KLHL26: variants seen among roughly 807,000 people sequenced by gnomAD.
KLHL26 encodes the protein kelch like family member 26.
KLHL26 carries 4 observed loss-of-function variants against 7.1 expected under a neutral mutation model. The observed-to-expected ratio is 0.56, with a 90% CI of 0.28 to 1.28. KLHL26 has a LOEUF of 1.28. Among genes scored for constraint, KLHL26 ranks in the 50% most tolerant of loss-of-function variants. The pLI is 0.11. For missense variants in KLHL26, 896 were observed against 924.6 expected (o/e 0.97, Z 0.40); for synonymous variants, 465 against 414.1 (o/e 1.12, Z -1.49).
rs1387615314 is a variant in KLHL26 at position 18,650,100 on chromosome 19, C to T, written c.83+12963C>T. Among the ~76,000 whole-genome samples the T allele has an allele frequency of 6.6e-6, 1 of 152,192 alleles. No individual in the cohort carries two copies. Among genetic ancestry groups the T allele is most frequent in the Admixed American group, 6.5e-5 (1 of 15,288 alleles). On this transcript the variant is annotated intron_variant, in intron 1 of 2. Coordinates refer to ENST00000300976, the MANE Select transcript of KLHL26 (RefSeq NM_018316.3). The surrounding 1 kb of genome is among the most constrained non-coding windows in gnomAD (Gnocchi z 4.2). ...GGTGGACCTTCAGGCTTGTAAAGGC[C>T]TGGAGGGGGGTCACCCGAGGATCGA...
At chr19:18,638,757 G>T (rs1345907187) in intron 1 of KLHL26, among the ~76,000 whole-genome samples, 1 of 152,100 alleles carries the variant, frequency 6.6e-6, no homozygotes, top group African/African-American at 2.4e-5. Flanking sequence ...CTGGAGTGCA[G>T]TGACGCCACC....
In KLHL26 at chr19:18,668,647, C is replaced by A. The variant is rs1399659989; in HGVS notation, c.1250C>A (p.Ala417Asp). 6.4e-6 allele frequency: 10 copies of A among 1,568,174 alleles called. 1 individual carries two copies. In the South Asian group the frequency reaches 1.1e-4, roughly 18 times the overall value. ...AACGTGCTGTGCGGCATGGTGTACGCCACGGGCGGCCGCAACCGAGCCGGC... is the reference window on the plus strand; with the variant it reads ...AACGTGCTGTGCGGCATGGTGTACGACACGGGCGGCCGCAACCGAGCCGGC... ...QLNVLCGMVY[A>D]TGGRNRAGSL... is the part of the protein sequence containing the mutation. The change falls in exon 3 of 3, where the codon GCC becomes GAC. Residue 417 changes from alanine (A) to aspartate (D), a missense_variant. Coordinates refer to ENST00000300976, the MANE Select transcript of KLHL26 (RefSeq NM_018316.3).
chr19:18,664,988 GC>G, intron 2 of KLHL26, among the ~76,000 whole-genome samples: 1 of 151,782 alleles, frequency 6.6e-6, no homozygotes, highest in South Asian at 2.1e-4. Flanking sequence ...GACAGAGATG[GC>G]CTGTGGGCAC....
At position 18,668,097 on chromosome 19, in the gene KLHL26, C is replaced by G. The variant is rs778523691; in HGVS notation, c.700C>G (p.Leu234Val). Residue 234 changes from leucine to valine, a missense_variant, in exon 3 of 3, where the codon CTG (leucine) becomes GTG (valine). Leu to Val is a conservative substitution (Grantham distance 32). Coordinates refer to ENST00000300976, the MANE Select transcript of KLHL26 (RefSeq NM_018316.3). The part of the protein sequence containing the change: ...IDLFRAAVRW[L>V]QHDPARRPRA... ...CCTGTTCCGCGCGGCCGTCCGCTGG[C>G]TGCAGCATGACCCGGCCCGGCGGCC... 1 of 1,604,622 alleles carries G rather than the reference C, an allele frequency of 6.2e-7. No homozygotes were observed.
Position 18,668,152 on chromosome 19 carries a change from G to A in KLHL26, c.755G>A (p.Arg252His), listed in dbSNP as rs757967212. Residue 252 changes from arginine to histidine, a missense_variant, in exon 3 of 3, where the codon CGC becomes CAC. Coordinates refer to ENST00000300976, the MANE Select transcript of KLHL26 (RefSeq NM_018316.3). ...GCCAGCCACGTGCTCTGCCACATTCGCTTCCCGCTCATGCAGTCGTCCGAG... is the reference window on the plus strand; with the variant it reads ...GCCAGCCACGTGCTCTGCCACATTCACTTCCCGCTCATGCAGTCGTCCGAG... ...PRASHVLCHI[R>H]FPLMQSSELV... The A allele has an allele frequency of 6.2e-7, 1 of 1,607,366 alleles. No homozygotes were observed. The highest frequency in any genetic ancestry group is 1.1e-5 in the South Asian group (1 of 91,046).
Position 18,668,684 on chromosome 19 carries a change from C to T in KLHL26, c.1287C>T (p.Ser429=), listed in dbSNP as rs765264737. 69 of 1,575,004 alleles carry T rather than the reference C, an allele frequency of 4.4e-5. No individual in the cohort carries two copies. Among genetic ancestry groups the T allele is most frequent in the Non-Finnish European group, 5.4e-5 (63 of 1,164,944 alleles). Residue 429 remains serine (S), a synonymous_variant, in exon 3 of 3, where the codon TCC becomes TCT. Coordinates refer to ENST00000300976, the MANE Select transcript of KLHL26 (RefSeq NM_018316.3). ...GGRNRAGSLA[S]VERYCPRRNE... The stretch of plus-strand genomic sequence containing the variant: ...GCAACCGAGCCGGCAGCCTGGCCTC[C>T]GTGGAGCGGTACTGCCCCCGGCGCA...
rs758361902 is a variant in KLHL26, at chr19:18,669,040, G to C, written c.1643G>C (p.Gly548Ala). The change falls in exon 3 of 3, where the codon GGC becomes GCC. Residue 548 changes from glycine (G) to alanine (A), a missense_variant. Gly to Ala is a moderately conservative substitution (Grantham distance 60). Coordinates refer to ENST00000300976, the MANE Select transcript of KLHL26 (RefSeq NM_018316.3). ...QWTSVSPMRAGQSEAGCCLLE... is the reference protein window; with the variant it reads ...QWTSVSPMRAAQSEAGCCLLE... ...ACCAGCGTGAGCCCCATGCGGGCCGGCCAGTCAGAGGCCGGCTGCTGCCTG... is the reference window on the plus strand; with the variant it reads ...ACCAGCGTGAGCCCCATGCGGGCCGCCCAGTCAGAGGCCGGCTGCTGCCTG... 4 of 1,612,810 alleles carry C rather than the reference G, an allele frequency of 2.5e-6. No individual in the cohort carries two copies. In the South Asian group the frequency reaches 4.4e-5, roughly 18 times the overall value.
At position 18,646,443 on chromosome 19, in the gene KLHL26, G is replaced by C. The variant is rs1976802569; in HGVS notation, c.83+9306G>C. On this transcript the variant is annotated intron_variant, in intron 1 of 2. Transcript: ENST00000300976. This position sits in a 1 kb window ranked among gnomAD's most constrained non-coding sequence, Gnocchi z 5.0. Reference sequence around the variant, plus strand: ...GGCCTCATGCCCCTTTCAGAAGGAGGATTTTGACCCTTCCAAGACGTGGAC... The same window carrying C: ...GGCCTCATGCCCCTTTCAGAAGGAGCATTTTGACCCTTCCAAGACGTGGAC... 6.6e-6 allele frequency among the ~76,000 whole-genome samples: 1 copy of C among 152,232 alleles called. No individual in the cohort carries two copies. The highest frequency in any genetic ancestry group is 2.4e-5 in the African/African-American group (1 of 41,466).
At chr19:18,638,530 G>A (rs1224297661) in intron 1 of KLHL26, among the ~76,000 whole-genome samples, 1 of 152,176 alleles carries the variant, frequency 6.6e-6, no homozygotes, top group Admixed American at 6.5e-5. Context: ...TTGTCCTGCA[G>A]TAGGGAGCCA....
At position 18,670,081 on chromosome 19, in the gene KLHL26, T is replaced by C. The variant is rs1466027388; in HGVS notation, c.*836T>C. The C allele has an allele frequency of 2.0e-5, 3 of 152,226 alleles. No homozygotes were observed. Among genetic ancestry groups the C allele is most frequent in the Admixed American group, 2.0e-4 (3 of 15,284 alleles). 9.4% of individuals were successfully genotyped at this position (152,226 alleles called of 1,614,324 possible). On this transcript the variant is annotated 3_prime_UTR_variant, in exon 3 of 3. Coordinates refer to ENST00000300976, the MANE Select transcript of KLHL26 (RefSeq NM_018316.3). ...GGGCGACGCTAACTTCAGAATCCCA[T>C]AGTGGCGCTTGCCGCAGGTCTGGTG...
At chr19:18,637,419 CTG>C (rs1244747487) in intron 1 of KLHL26, among the ~76,000 whole-genome samples, 1 of 151,972 alleles carries the variant, frequency 6.6e-6, no homozygotes, top group African/African-American at 2.4e-5. Context: ...GGGCTCTTGA[CTG>C]TGGTGGGCCG....
rs763314247 is a variant in KLHL26, at chr19:18,669,286, C to T, written c.*41C>T. ...GGACCCTGGCCTGACCGCATGTTGT[C>T]TCCAAGTGGGGCTTGGCGAATGCAC... On this transcript the variant is annotated 3_prime_UTR_variant, in exon 3 of 3. Coordinates refer to ENST00000300976, the MANE Select transcript of KLHL26 (RefSeq NM_018316.3). 9.2e-6 allele frequency: 14 copies of T among 1,515,130 alleles called. No homozygotes were observed. Among genetic ancestry groups the T allele is most frequent in the South Asian group, 2.3e-5 (2 of 86,864 alleles). 93.9% of individuals were successfully genotyped at this position (1,515,130 alleles called of 1,614,324 possible).
At chr19:18,663,127 C>G (rs1372542627) in intron 1 of KLHL26, among the ~76,000 whole-genome samples, 2 of 152,214 alleles carry the variant, frequency 1.3e-5, no homozygotes, top group Admixed American at 6.5e-5. Flanking sequence ...AGGCTTTCCA[C>G]TGAGCACAGG....
chr19:18,664,137 A>T (rs2052419931), intron 1 of KLHL26, 124 bp from the exon 2 acceptor site: 1 of 791,158 alleles, frequency 1.3e-6, no homozygotes, highest in Non-Finnish European at 1.8e-6. Context: ...TGGGCATTTC[A>T]CGTCAGTGGA....
At chr19:18,654,424 T>C (rs1220902252) in intron 1 of KLHL26, among the ~76,000 whole-genome samples, 2 of 143,830 alleles carry the variant, frequency 1.4e-5, no homozygotes, top group Non-Finnish European at 3.0e-5. Context: ...TACTCACCTA[T>C]CACTATCCAT....
intron 1 of KLHL26, among the ~76,000 whole-genome samples, chr19:18,641,101 C>T (rs1024780529): frequency 1.3e-5 from 2 of 151,976 alleles, no homozygotes; most frequent in Non-Finnish European, 2.9e-5. Context: ...TCACTGCACC[C>T]TGGAACTCCT....
chr19:18,637,078 C>T lies in KLHL26; in HGVS notation c.24C>T (p.Ser8=). 7 of 1,387,304 alleles carry T rather than the reference C, an allele frequency of 5.0e-6. No homozygotes were observed. The highest frequency in any genetic ancestry group is 1.6e-5 in the South Asian group (1 of 61,358). 85.9% of individuals were successfully genotyped at this position (1,387,304 alleles called of 1,614,324 possible). A position where few individuals can be genotyped will look rare whatever the true frequency, so the allele number is the denominator to read the frequency against. ...AGATGGCGGAGTCCGGCGGTAGCAG[C>T]GGTGGTGCTGGTGGCGGCGGCGCTT... MAESGGS[S]GGAGGGGAFG... is the part of the protein sequence containing the mutation. Residue 8 remains serine (S), a synonymous_variant, in exon 1 of 3, where the codon AGC becomes AGT. Coordinates refer to ENST00000300976, the MANE Select transcript of KLHL26 (RefSeq NM_018316.3).
chr19:18,660,305 C>T (rs1480627181), intron 1 of KLHL26, among the ~76,000 whole-genome samples: 5 of 152,200 alleles, frequency 3.3e-5, no homozygotes, highest in African/African-American at 9.6e-5. Context: ...TAGCCCGGGC[C>T]AGGCCTGTAG....
At chr19:18,661,576 C>T (rs2052392175) in intron 1 of KLHL26, among the ~76,000 whole-genome samples, 1 of 152,204 alleles carries the variant, frequency 6.6e-6, no homozygotes. Context: ...CAGGATGCGT[C>T]AGCCTCCTCA....
Sources: gnomAD v4.1 joint callset for allele counts (sites outside exome capture counted in the v4.1 genomes callset) on GRCh38, gnomAD v4.1.1 for gene constraint, Gnocchi (gnomAD v3.1) non-coding constraint, MANE v1.5 for transcripts, NCBI Gene and HGNC (gene_info 2026-07-23, HGNC 2026-07-21) for gene names.